Variants in NAALADL2 observed in about 807,000 individuals in gnomAD.
NAALADL2 encodes the protein N-acetylated alpha-linked acidic dipeptidase like 2.
A neutral mutation model predicts 87.2 loss-of-function variants in NAALADL2; 76 were observed. The ratio of observed to expected loss-of-function variants is 0.87; its 90% CI spans 0.72 to 1.05. The LOEUF (loss-of-function observed/expected upper bound fraction) is 1.05. NAALADL2 is among the 50% of genes least tolerant of loss of function. The probability of loss-of-function intolerance (pLI) is 0.00; values close to 1 mark genes in which losing one functional copy is unlikely to be tolerated. For missense variants in NAALADL2, 1,089 were observed against 945.8 expected, an observed-to-expected ratio of 1.15 and a Z score of -1.99; for synonymous variants, 354 against 331.0, an observed-to-expected ratio of 1.07 and a Z score of -0.75.
intron 2 of NAALADL2, among the ~76,000 whole-genome samples, chr3:174,584,461 A>G (rs1382729633): frequency 6.6e-6 from 1 of 152,060 alleles, no homozygotes; most frequent in African/African-American, 2.4e-5. Context: ...TTTTCTTTTT[A>G]TCATGTATAT....
chr3:174,988,839 G>A (rs1028866541), intron 1 of NAALADL2, among the ~76,000 whole-genome samples: 1 of 152,168 alleles, frequency 6.6e-6, no homozygotes, highest in African/African-American at 2.4e-5. Flanking sequence ...CTATTTCCAA[G>A]TAAAGTCACT....
At chr3:174,793,082 A>C (rs1216932137) in intron 3 of NAALADL2, among the ~76,000 whole-genome samples, 1 of 152,166 alleles carries the variant, frequency 6.6e-6, no homozygotes, top group Non-Finnish European at 1.5e-5. Flanking sequence ...GTGTTGGCAA[A>C]GATAACAATG....
intron 10 of NAALADL2, among the ~76,000 whole-genome samples, chr3:175,579,794 C>T (rs1173998754): frequency 1.3e-5 from 2 of 152,120 alleles, no homozygotes; most frequent in East Asian, 1.9e-4. Context: ...ATGCACATTT[C>T]CTCTGTCACT....
chr3:174,894,352 A>G (rs139712236), intron 1 of NAALADL2, among the ~76,000 whole-genome samples: 1 of 152,038 alleles, frequency 6.6e-6, no homozygotes, highest in South Asian at 2.1e-4. Flanking sequence ...GCATTTTGGG[A>G]GGCCAAGACG....
At chr3:174,474,036 A>C (rs1314528215) in intron 1 of NAALADL2, among the ~76,000 whole-genome samples, 1 of 151,998 alleles carries the variant, frequency 6.6e-6, no homozygotes, top group Non-Finnish European at 1.5e-5. Context: ...GTGAGAACTC[A>C]CTCTGATTCA....
At chr3:175,158,007 CTTTTTAAGA>C (rs1358715597) in intron 2 of NAALADL2, among the ~76,000 whole-genome samples, 6 of 151,990 alleles carry the variant, frequency 3.9e-5, no homozygotes, top group African/African-American at 1.2e-4. Context: ...ACTTATATAA[CTTTTTAAGA>C]TTTTTATTAA....
chr3:175,360,241 A>G (rs977150378), intron 5 of NAALADL2, among the ~76,000 whole-genome samples: 11 of 152,122 alleles, frequency 7.2e-5, no homozygotes, highest in African/African-American at 2.7e-4. Flanking sequence ...ATTTTCTAAA[A>G]GTTCCTATTT....
At chr3:175,036,804 C>CTTTTTTTTTTTT (rs10662446) in intron 1 of NAALADL2, among the ~76,000 whole-genome samples, 4 of 117,356 alleles carry the variant, frequency 3.4e-5, no homozygotes, top group African/African-American at 6.6e-5. Flanking sequence ...TCCATCTGTT[C>CTTTTTTTTTTTT]TTTTTTTTTT....
chr3:174,499,599 T>C (rs761775271), intron 1 of NAALADL2, among the ~76,000 whole-genome samples: 2 of 152,242 alleles, frequency 1.3e-5, no homozygotes, highest in Admixed American at 6.5e-5. Flanking sequence ...ATTTTTTATG[T>C]ATTAAATTAT....
chr3:175,018,398 A>G lies in NAALADL2; in HGVS notation c.44-78392A>G, dbSNP rs540292686. 3.3e-4 allele frequency among the ~76,000 whole-genome samples: 50 copies of G among 152,208 alleles called. 2 individuals carry two copies. The South Asian group carries it at 9.7e-3, about 30-fold the overall frequency. ...CAACAAGAGATGGCTTAAGAATTCT[A>G]TTATTATATATGTCCAGAAATCTGA... On this transcript the variant is annotated intron_variant, in intron 1 of 13. Coordinates refer to ENST00000454872, the MANE Select transcript of NAALADL2 (RefSeq NM_207015.3).
At chr3:175,541,346 G>A (rs575538439) in intron 9 of NAALADL2, among the ~76,000 whole-genome samples, 1 of 152,254 alleles carries the variant, frequency 6.6e-6, no homozygotes, top group African/African-American at 2.4e-5. Context: ...AGTAAAAAAT[G>A]CATTTAATAC....
At chr3:175,059,106 G>A (rs987355929) in intron 1 of NAALADL2, among the ~76,000 whole-genome samples, 5 of 151,848 alleles carry the variant, frequency 3.3e-5, no homozygotes, top group African/African-American at 4.9e-5. Flanking sequence ...ATGACACTTC[G>A]TGTGAAGTCA....
intron 1 of NAALADL2, among the ~76,000 whole-genome samples, chr3:175,020,310 G>T (rs1447396459): frequency 1.3e-5 from 2 of 152,048 alleles, no homozygotes; most frequent in Admixed American, 6.6e-5. Context: ...GATGCGATCT[G>T]TGAGGAATTT....
chr3:174,900,510 A>T (rs75901398), intron 1 of NAALADL2, among the ~76,000 whole-genome samples: 2 of 151,984 alleles, frequency 1.3e-5, no homozygotes, highest in East Asian at 3.8e-4. Flanking sequence ...GTTTTGCAAT[A>T]TAGATAAAAA....
intron 1 of NAALADL2, among the ~76,000 whole-genome samples, chr3:174,541,709 A>C (rs1722246723): frequency 6.6e-6 from 1 of 152,248 alleles, no homozygotes; most frequent in African/African-American, 2.4e-5. Context: ...AACTACAGGA[A>C]AACAAAATAG....
At chr3:174,746,924 A>G (rs909171961) in intron 3 of NAALADL2, among the ~76,000 whole-genome samples, 9 of 152,118 alleles carry the variant, frequency 5.9e-5, no homozygotes, top group African/African-American at 1.9e-4. Context: ...TACAAACATT[A>G]AACTCAAGAT....
intron 9 of NAALADL2, among the ~76,000 whole-genome samples, chr3:175,570,264 G>A (rs1717851996): frequency 6.6e-6 from 1 of 152,170 alleles, no homozygotes; most frequent in Non-Finnish European, 1.5e-5. Context: ...GTCTTCAGCT[G>A]ATGAGATGAG....
At chr3:174,476,872 T>C (rs1356967236) in intron 1 of NAALADL2, among the ~76,000 whole-genome samples, 1 of 152,102 alleles carries the variant, frequency 6.6e-6, no homozygotes, top group African/African-American at 2.4e-5. Context: ...CAAAGTATTT[T>C]AAATGAGAAT....
chr3:175,591,040 G>T (rs1233693354), intron 10 of NAALADL2, among the ~76,000 whole-genome samples: 2 of 152,094 alleles, frequency 1.3e-5, no homozygotes, highest in South Asian at 2.1e-4. Context: ...TAAGGCAAGA[G>T]AAAAATAGAC....
Sources: allele counts gnomAD v4.1 joint callset (sites outside exome capture counted in the v4.1 genomes callset), GRCh38; gene constraint gnomAD v4.1.1; transcripts MANE v1.5; gene names NCBI Gene and HGNC (gene_info 2026-07-23, HGNC 2026-07-21).